Variants in TAF8 observed in about 807,000 individuals in gnomAD.
TAF8 encodes TATA-box binding protein associated factor 8, also known as transcription initiation factor TFIID subunit 8.
A neutral mutation model predicts 36.5 loss-of-function variants in TAF8; 47 were observed. The observed-to-expected ratio is 1.29, with a 90% CI of 1.02 to 1.64. The LOEUF (loss-of-function observed/expected upper bound fraction) is 1.64. TAF8 is among the 40% of genes most tolerant of loss of function. The pLI, the probability that TAF8 is intolerant of heterozygous loss-of-function variation, is 0.00. For synonymous variants in TAF8, 175 were observed against 159.5 expected, an observed-to-expected ratio of 1.10 and a Z score of -0.73; for missense variants, 420 against 407.6, an observed-to-expected ratio of 1.03 and a Z score of -0.26.
chr6:42,067,389 ATT>A (rs1765402600), intron 6 of TAF8, among the ~76,000 whole-genome samples: 2 of 151,000 alleles, frequency 1.3e-5, no homozygotes, highest in Admixed American at 6.6e-5. Flanking sequence ...AATTTTTTGT[ATT>A]TTTAGTAGAG....
intron 5 of TAF8, among the ~76,000 whole-genome samples, chr6:42,062,121 A>G (rs1312741089): frequency 6.6e-6 from 1 of 152,194 alleles, no homozygotes; most frequent in East Asian, 1.9e-4. Context: ...AACATTACAT[A>G]AAAATCATCT....
chr6:42,072,746 CG>C (rs1765621186), intron 7 of TAF8, among the ~76,000 whole-genome samples: 1 of 151,280 alleles, frequency 6.6e-6, no homozygotes, highest in Non-Finnish European at 1.5e-5. Flanking sequence ...TTTTTGAGAC[CG>C]AGTCTCGCTC....
intron 7 of TAF8, among the ~76,000 whole-genome samples, chr6:42,070,567 G>A (rs745916149): frequency 2.0e-4 from 30 of 152,168 alleles, no homozygotes; most frequent in Non-Finnish European, 3.8e-4. Context: ...GCCACATACG[G>A]CCAGTGGCTG....
Position 42,066,372 on chromosome 6 carries a change from C to T in TAF8, c.550C>T (p.Arg184Cys), listed in dbSNP as rs760462541. ...GCGGGAGAAGGCTGCATCCCAGAGG[C>T]GCGATGTGGAGCGGGCACTTACCCG... ...VLREKAASQR[R>C]DVERALTRFM... Residue 184 changes from arginine (R) to cysteine (C), a missense_variant, in exon 6 of 9, where the codon CGC becomes TGC. Arg to Cys is a radical substitution (Grantham distance 180). Transcript: ENST00000372977. 1.4e-5 allele frequency: 22 copies of T among 1,614,074 alleles called. No individual in the cohort carries two copies. Among genetic ancestry groups the T allele is most frequent in the Admixed American group, 3.3e-5 (2 of 60,000 alleles).
In TAF8 at chr6:42,078,143, G is replaced by A. The variant is rs1348073294; in HGVS notation, c.*598G>A. 26 of 930,006 alleles carry A rather than the reference G, an allele frequency of 2.8e-5. No homozygotes were observed. Among genetic ancestry groups the A allele is most frequent in the South Asian group, 4.9e-5 (1 of 20,252 alleles). 57.6% of individuals were successfully genotyped at this position (930,006 alleles called of 1,614,324 possible). A position where few individuals can be genotyped will look rare whatever the true frequency, so the allele number is the denominator to read the frequency against. On this transcript the variant is annotated 3_prime_UTR_variant, in exon 9 of 9. Transcript: ENST00000372977. ...TGACCTCAAGTGATAACCCGCCTCG[G>A]CCTCCCAAAGTGCTGAGATTACAGG...
chr6:42,066,326 C>A lies in TAF8; in HGVS notation c.504C>A (p.Pro168=), dbSNP rs201864781. 1.2e-6 allele frequency: 2 copies of A among 1,613,994 alleles called. No individual in the cohort carries two copies. Among genetic ancestry groups the A allele is most frequent in the Non-Finnish European group, 1.7e-6 (2 of 1,180,006 alleles). ...TCTCTTCGTAGACGTACCGTGAGCC[C>A]GTGTCAGACTACCAGGTCCTGCGGG... ...TYIKTPTYRE[P]VSDYQVLREK... The change falls in exon 6 of 9, where the codon CCC becomes CCA. Residue 168 remains proline (P), a synonymous_variant. Coordinates refer to ENST00000372977, the MANE Select transcript of TAF8 (RefSeq NM_138572.3).
At chr6:42,070,439 C>T (rs1765526281) in intron 7 of TAF8, among the ~76,000 whole-genome samples, 1 of 152,196 alleles carries the variant, frequency 6.6e-6, no homozygotes, top group Non-Finnish European at 1.5e-5. Flanking sequence ...TTGGCGTGAG[C>T]CAAGATCGCG....
At position 42,078,434 on chromosome 6, in the gene TAF8, T is replaced by C. The variant is rs1765827364; in HGVS notation, c.*889T>C. The C allele has an allele frequency of 1.0e-5, 10 of 985,314 alleles. No individual in the cohort carries two copies. Among genetic ancestry groups the C allele is most frequent in the African/African-American group, 1.7e-5 (1 of 57,232 alleles). The allele number at this position is 985,314 out of a possible 1,614,324, so 61.0% of individuals were successfully genotyped here. On this transcript the variant is annotated 3_prime_UTR_variant, in exon 9 of 9. Coordinates refer to ENST00000372977, the MANE Select transcript of TAF8 (RefSeq NM_138572.3). The stretch of plus-strand genomic sequence containing the variant: ...ACCACTTTCTCATCCCAGAACTTCA[T>C]TCTTATTTCTCTCCTCATCTGGCCT...
Position 42,078,445 on chromosome 6 carries a change from C to G in TAF8, c.*900C>G. On this transcript the variant is annotated 3_prime_UTR_variant, in exon 9 of 9. Transcript: ENST00000372977. ...ATCCCAGAACTTCATTCTTATTTCT[C>G]TCCTCATCTGGCCTCCCAAGTGCTC... 1.0e-6 allele frequency: 1 copy of G among 985,486 alleles called. No homozygotes were observed. The highest frequency in any genetic ancestry group is 1.2e-6 in the Non-Finnish European group (1 of 829,960). The allele number at this position is 985,486 out of a possible 1,614,324, so 61.0% of individuals were successfully genotyped here.
intron 7 of TAF8, 130 bp downstream of exon 7, chr6:42,068,737 G>A: frequency 9.3e-7 from 1 of 1,074,598 alleles, no homozygotes; most frequent in Non-Finnish European, 1.4e-6. Context: ...GCCTGCATAA[G>A]GGCTTGCGTG....
In TAF8 at chr6:42,081,947, A is replaced by G. The variant is rs1490774914; in HGVS notation, c.*4402A>G. 1 of 152,268 alleles carries G rather than the reference A, an allele frequency of 6.6e-6. No homozygotes were observed. The highest frequency in any genetic ancestry group is 1.9e-4 in the East Asian group (1 of 5,204). 9.4% of individuals were successfully genotyped at this position (152,268 alleles called of 1,614,324 possible). ...ACAAGATGTTGCAAAAAATGTTGAG[A>G]GAGATCCTATGTACCCATCACCCAC... On this transcript the variant is annotated 3_prime_UTR_variant, in exon 9 of 9. Coordinates refer to ENST00000372977, the MANE Select transcript of TAF8 (RefSeq NM_138572.3).
intron 7 of TAF8, among the ~76,000 whole-genome samples, chr6:42,075,989 C>G (rs956609427): frequency 2.6e-5 from 4 of 151,904 alleles, no homozygotes; most frequent in African/African-American, 9.7e-5. Context: ...GCTGGCAGAT[C>G]ATGAGGTCAG....
chr6:42,067,901 C>T (rs527236929), intron 6 of TAF8, among the ~76,000 whole-genome samples: 1 of 152,268 alleles, frequency 6.6e-6, no homozygotes, highest in Non-Finnish European at 1.5e-5. Context: ...TCAATTTCTT[C>T]CTCTCATCCT....
chr6:42,079,482 A>G lies in TAF8; in HGVS notation c.*1937A>G, dbSNP rs549220027. On this transcript the variant is annotated 3_prime_UTR_variant, in exon 9 of 9. Transcript: ENST00000372977. ...AATGTAACAACACGTGGAAGTGAAC[A>G]CTGGATGAATAAGCTTGTTTCCCAA... 2.8e-5 allele frequency: 28 copies of G among 985,456 alleles called. No homozygotes were observed. The highest frequency in any genetic ancestry group is 3.0e-5 in the Non-Finnish European group (25 of 829,932). The allele number at this position is 985,456 out of a possible 1,614,324, so 61.0% of individuals were successfully genotyped here. A position where few individuals can be genotyped will look rare whatever the true frequency, so the allele number is the denominator to read the frequency against.
intron 7 of TAF8, among the ~76,000 whole-genome samples, chr6:42,071,985 T>C (rs2127461773): frequency 6.6e-6 from 1 of 152,302 alleles, no homozygotes; most frequent in South Asian, 2.1e-4. Context: ...AGCAGGAGTG[T>C]AGGAAGGCCT....
chr6:42,052,523 T>C (rs897936362), intron 2 of TAF8, among the ~76,000 whole-genome samples: 9 of 152,200 alleles, frequency 5.9e-5, no homozygotes. Flanking sequence ...GGTTTCACCA[T>C]GTTGGCCAGG....
At chr6:42,066,641 A>G (rs1226908471) in intron 6 of TAF8, among the ~76,000 whole-genome samples, 182 bp downstream of exon 6, 1 of 152,164 alleles carries the variant, frequency 6.6e-6, no homozygotes, top group African/African-American at 2.4e-5. Flanking sequence ...TGACGACTCC[A>G]AAACAGTAAT....
At chr6:42,085,820 A>C (rs901594491), downstream of TAF8, among the ~76,000 whole-genome samples, 1 of 152,096 alleles carries the variant, frequency 6.6e-6, no homozygotes, top group East Asian at 1.9e-4. Context: ...CCCCTTCTCT[A>C]CTAAAAATAC....
rs1429777725 is a variant in TAF8 at position 42,077,257 on chromosome 6, G to A, written c.920+18G>A. 1.2e-6 allele frequency: 2 copies of A among 1,608,100 alleles called. No homozygotes were observed. Among genetic ancestry groups the A allele is most frequent in the African/African-American group, 1.3e-5 (1 of 74,852 alleles). ...AGGAAGAAGTGAGTTGGAGGCTGGG[G>A]TCCAGAGAGCCTTCACTGTCCCACC... On this transcript the variant is annotated intron_variant, in intron 8 of 8. Coordinates refer to ENST00000372977, the MANE Select transcript of TAF8 (RefSeq NM_138572.3).
Sources: allele counts gnomAD v4.1 joint callset (sites outside exome capture counted in the v4.1 genomes callset), GRCh38; gene constraint gnomAD v4.1.1; transcripts MANE v1.5; gene names NCBI Gene and HGNC (gene_info 2026-07-23, HGNC 2026-07-21).